Variants in SLC35F4 observed in about 807,000 individuals in gnomAD.
The protein encoded by SLC35F4 is solute carrier family 35 member F4, also known as chromosome 14 open reading frame 36.
Under a neutral mutation model 44.2 loss-of-function variants are expected in SLC35F4, and 24 were observed. That is an observed-to-expected ratio of 0.54 (90% confidence interval 0.39 to 0.76). The LOEUF is 0.76. Among genes scored for constraint, SLC35F4 ranks in the 30% least tolerant of loss-of-function variants. The pLI is 0.00. For synonymous variants in SLC35F4, 238 were observed against 223.6 expected (o/e 1.06, Z -0.57); for missense variants, 562 against 586.1 (o/e 0.96, Z 0.42).
intron 1 of SLC35F4, among the ~76,000 whole-genome samples, chr14:57,947,171 AG>A (rs1890050283): frequency 6.7e-6 from 1 of 150,088 alleles, no homozygotes; most frequent in South Asian, 2.1e-4. Context: ...AGTGTTTTGT[AG>A]TTTTCCTTGT....
At chr14:57,840,092 T>C (rs1048672184) in intron 1 of SLC35F4, among the ~76,000 whole-genome samples, 1 of 152,206 alleles carries the variant, frequency 6.6e-6, no homozygotes. Context: ...ATATTTTCTG[T>C]TTTAATTCTC....
chr14:57,775,278 C>T (rs1451856962), intron 1 of SLC35F4, among the ~76,000 whole-genome samples: 3 of 152,260 alleles, frequency 2.0e-5, no homozygotes, highest in Non-Finnish European at 4.4e-5. Flanking sequence ...CACCCTGCTG[C>T]AGCCGATAAG....
chr14:57,682,919 C>T lies in SLC35F4; in HGVS notation c.104-88795G>A, dbSNP rs117882366. ...GTTTTAGTTACAGATAATAGGGCAACAGTCCAAACACTTCATTCCACTCCC... is the reference window on the plus strand; with the variant it reads ...GTTTTAGTTACAGATAATAGGGCAATAGTCCAAACACTTCATTCCACTCCC... On this transcript the variant is annotated intron_variant, in intron 1 of 7. Transcript: ENST00000556826. Among the ~76,000 whole-genome samples the T allele has an allele frequency of 2.4e-4, 37 of 152,236 alleles. 1 individual carries two copies. The East Asian group carries it at 6.9e-3, about 29-fold the overall frequency.
At chr14:57,776,925 T>C (rs759995363) in intron 1 of SLC35F4, among the ~76,000 whole-genome samples, 1 of 152,120 alleles carries the variant, frequency 6.6e-6, no homozygotes, top group Non-Finnish European at 1.5e-5. Context: ...AAGAGCTGCC[T>C]TACAAGAGCT....
At position 57,675,033 on chromosome 14, in the gene SLC35F4, G is replaced by C. The variant is rs114422248; in HGVS notation, c.104-80909C>G. ...AAATGTGAGCAATCCATGGAGAACT[G>C]TATCCCAACACTGTATAATTCCACT... On this transcript the variant is annotated intron_variant, in intron 1 of 7. Transcript: ENST00000556826. Among the ~76,000 whole-genome samples the C allele has an allele frequency of 3.1e-3, 469 of 152,190 alleles. 6 individuals are homozygous for C. Among genetic ancestry groups the C allele is most frequent in the African/African-American group, 0.011 (450 of 41,486 alleles).
At chr14:57,651,507 A>G (rs1361989584) in intron 1 of SLC35F4, among the ~76,000 whole-genome samples, 1 of 152,106 alleles carries the variant, frequency 6.6e-6, no homozygotes, top group Non-Finnish European at 1.5e-5. Flanking sequence ...AGCAGCCGTC[A>G]CAGATACCGA....
At chr14:57,689,886 T>C (rs985664109) in intron 1 of SLC35F4, among the ~76,000 whole-genome samples, 1 of 151,882 alleles carries the variant, frequency 6.6e-6, no homozygotes, top group Non-Finnish European at 1.5e-5. Flanking sequence ...TAAAGTATAA[T>C]AAAAAATAAA....
intron 1 of SLC35F4, among the ~76,000 whole-genome samples, chr14:57,899,595 C>T (rs190773572): frequency 2.6e-5 from 4 of 152,128 alleles, no homozygotes; most frequent in African/African-American, 4.8e-5. Context: ...CTGGATTAAG[C>T]GAAAAGAATG....
Position 57,594,097 on chromosome 14 carries a change from C to T in SLC35F4, c.131G>A (p.Cys44Tyr), listed in dbSNP as rs778249691. Residue 44 changes from cysteine to tyrosine, a missense_variant, in exon 2 of 8, where the codon TGT becomes TAT. Cys to Tyr is a radical substitution (Grantham distance 194). Transcript: ENST00000556826. ...KSTSRSSVTR[C>Y]KPGANCPSSH... Reference sequence around the variant, plus strand: ...ACTGGGGCAGTTGGCTCCTGGTTTACATCTAGTGACTGATGATCTGGAGGT... The same window carrying T: ...ACTGGGGCAGTTGGCTCCTGGTTTATATCTAGTGACTGATGATCTGGAGGT... 3 of 1,613,728 alleles carry T rather than the reference C, an allele frequency of 1.9e-6. No individual in the cohort carries two copies. Among genetic ancestry groups the T allele is most frequent in the African/African-American group, 2.7e-5 (2 of 74,912 alleles).
At chr14:57,700,017 T>C (rs375330540) in intron 1 of SLC35F4, among the ~76,000 whole-genome samples, 2 of 152,168 alleles carry the variant, frequency 1.3e-5, no homozygotes, top group Admixed American at 1.3e-4. Flanking sequence ...CCACAAATAG[T>C]ACTGAACCCT....
At chr14:57,700,143 T>C (rs2075496662) in intron 1 of SLC35F4, among the ~76,000 whole-genome samples, 1 of 152,204 alleles carries the variant, frequency 6.6e-6, no homozygotes, top group African/African-American at 2.4e-5. Flanking sequence ...AGTGTACTTA[T>C]ACAAATCCAG....
intron 1 of SLC35F4, among the ~76,000 whole-genome samples, chr14:57,794,742 G>A (rs1329908814): frequency 2.6e-5 from 4 of 151,918 alleles, no homozygotes; most frequent in South Asian, 4.2e-4. Flanking sequence ...GCTTCTTTGG[G>A]TGTGTTCTAT....
At chr14:57,720,260 C>A (rs1002212748) in intron 1 of SLC35F4, among the ~76,000 whole-genome samples, 10 of 152,064 alleles carry the variant, frequency 6.6e-5, no homozygotes, top group African/African-American at 2.4e-4. Context: ...ATTTTTGCAT[C>A]ACTATTCATA....
chr14:57,809,090 G>A lies in SLC35F4; in HGVS notation c.103+56633C>T, dbSNP rs563463691. On this transcript the variant is annotated intron_variant, in intron 1 of 7. Transcript: ENST00000556826. The stretch of plus-strand genomic sequence containing the variant: ...TATGCACCCCCACACGTTTTTCCCC[G>A]CCAGGAACCTACCTCCAAGTGATCC... Among the ~76,000 whole-genome samples, 96 of 152,014 alleles carry A rather than the reference G, an allele frequency of 6.3e-4. 1 individual carries two copies. The highest frequency in any genetic ancestry group is 2.0e-3 in the African/African-American group (85 of 41,476).
downstream of SLC35F4, among the ~76,000 whole-genome samples, chr14:57,975,847 G>T (rs1427404371): frequency 6.6e-6 from 1 of 152,142 alleles, no homozygotes; most frequent in Non-Finnish European, 1.5e-5. Context: ...TTCTGGAATG[G>T]CAAATGGTAG....
chr14:57,779,347 A>G (rs1440797236), intron 1 of SLC35F4, among the ~76,000 whole-genome samples: 1 of 152,212 alleles, frequency 6.6e-6, no homozygotes, highest in African/African-American at 2.4e-5. Context: ...AGAGACTACT[A>G]TGAACATCTC....
At chr14:57,761,778 C>A (rs2077130806) in intron 1 of SLC35F4, among the ~76,000 whole-genome samples, 1 of 152,052 alleles carries the variant, frequency 6.6e-6, no homozygotes, top group South Asian at 2.1e-4. Flanking sequence ...GTGAAGGGAA[C>A]TATTTTAGCA....
At chr14:57,961,382 A>G (rs1455742585) in intron 1 of SLC35F4, among the ~76,000 whole-genome samples, 2 of 152,178 alleles carry the variant, frequency 1.3e-5, no homozygotes, top group African/African-American at 2.4e-5. Context: ...GCCACAGAGT[A>G]AACACGTCCT....
intron 1 of SLC35F4, among the ~76,000 whole-genome samples, chr14:57,758,694 G>A (rs528697615): frequency 4.2e-4 from 63 of 151,380 alleles, no homozygotes; most frequent in South Asian, 6.3e-4. Flanking sequence ...ATTTTTAAGC[G>A]TGGTAATCTT....
Sources: gnomAD v4.1 joint callset for allele counts (sites outside exome capture counted in the v4.1 genomes callset) on GRCh38, gnomAD v4.1.1 for gene constraint, MANE v1.5 for transcripts, NCBI Gene and HGNC (gene_info 2026-07-23, HGNC 2026-07-21) for gene names.